The following LRMDA variants were observed in gnomAD, a reference collection of about 807,000 sequenced individuals.
LRMDA encodes the protein leucine-rich melanocyte differentiation-associated protein.
Under a neutral mutation model 29.8 loss-of-function variants are expected in LRMDA, and 18 were observed. The ratio of observed to expected loss-of-function variants is 0.60; its 90% CI spans 0.42 to 0.90. The LOEUF (loss-of-function observed/expected upper bound fraction) is 0.90, where lower values mean the gene tolerates loss of function less well. Ranked by LOEUF, LRMDA falls within the 40% of genes least tolerant of loss-of-function variation. The pLI, the probability that LRMDA is intolerant of heterozygous loss-of-function variation, is 0.00. For synonymous variants in LRMDA, 125 were observed against 109.4 expected (o/e 1.14, Z -0.89); for missense variants, 273 against 273.9 (o/e 1.00, Z 0.02).
chr10:75,848,540 G>A lies in LRMDA; in HGVS notation c.132-187468G>A, dbSNP rs187407713. On this transcript the variant is annotated intron_variant, in intron 2 of 6. Transcript: ENST00000611255. ...GTCCTGGTACTGTGATCCAGCATTGGGCACCCGGGACTAGTCTCTTCTTTT... is the reference window on the plus strand; with the variant it reads ...GTCCTGGTACTGTGATCCAGCATTGAGCACCCGGGACTAGTCTCTTCTTTT... 2.6e-5 allele frequency among the ~76,000 whole-genome samples: 4 copies of A among 152,186 alleles called. No homozygotes were observed. The East Asian group carries it at 7.7e-4, about 29-fold the overall frequency.
intron 6 of LRMDA, among the ~76,000 whole-genome samples, chr10:76,387,425 A>C (rs1048133200): frequency 6.6e-6 from 1 of 151,946 alleles, no homozygotes; most frequent in Non-Finnish European, 1.5e-5. Context: ...ATATGGCAAA[A>C]CCCTGTCTCT....
chr10:75,902,700 G>A (rs115632428), intron 2 of LRMDA, among the ~76,000 whole-genome samples: 2 of 152,108 alleles, frequency 1.3e-5, no homozygotes, highest in Admixed American at 1.3e-4. Context: ...ATAGAGATCT[G>A]TTCAAAGTTC....
chr10:75,640,110 G>A (rs993350361), intron 2 of LRMDA, among the ~76,000 whole-genome samples: 1 of 152,194 alleles, frequency 6.6e-6, no homozygotes, highest in African/African-American at 2.4e-5. Flanking sequence ...TTAATCTTAG[G>A]TATGGTATGT....
rs185783510 is a variant in LRMDA, at chr10:76,025,599, T to C, written c.132-10409T>C. Among the ~76,000 whole-genome samples the C allele has an allele frequency of 3.9e-5, 6 of 152,230 alleles. No homozygotes were observed. The East Asian group carries it at 1.2e-3, about 29-fold the overall frequency. On this transcript the variant is annotated intron_variant, in intron 2 of 6. Transcript: ENST00000611255. ...TGTGCTCACTGAATTCCTGTCATGT[T>C]GGAAATGGATACCACACCACATGCT...
Position 76,111,178 on chromosome 10 carries a change from A to T in LRMDA, c.516+52395A>T, listed in dbSNP as rs910743422. Among the ~76,000 whole-genome samples, 10 of 152,128 alleles carry T rather than the reference A, an allele frequency of 6.6e-5. 1 individual carries two copies. The highest frequency in any genetic ancestry group is 6.5e-4 in the Admixed American group (10 of 15,290). On this transcript the variant is annotated intron_variant, in intron 5 of 6. Coordinates refer to ENST00000611255, the MANE Select transcript of LRMDA (RefSeq NM_001305581.2). Reference sequence around the variant, plus strand: ...AGACCAGACCAGATCCTGCTATTTTATGGATCCTCAAAGCAGCCTGTACCT... The same window carrying T: ...AGACCAGACCAGATCCTGCTATTTTTTGGATCCTCAAAGCAGCCTGTACCT...
chr10:76,374,318 T>C (rs917274948), intron 6 of LRMDA, among the ~76,000 whole-genome samples: 4 of 152,132 alleles, frequency 2.6e-5, no homozygotes, highest in Non-Finnish European at 5.9e-5. Context: ...AGAGTTCAGA[T>C]AGTGAAAATG....
intron 2 of LRMDA, among the ~76,000 whole-genome samples, chr10:75,970,152 C>G (rs1038582884): frequency 1.3e-5 from 2 of 152,154 alleles, no homozygotes; most frequent in African/African-American, 4.8e-5. Flanking sequence ...CTGATCTTCC[C>G]CCTAGTTTCA....
At chr10:76,542,054 C>T (rs1843363121) in intron 6 of LRMDA, among the ~76,000 whole-genome samples, 1 of 150,156 alleles carries the variant, frequency 6.7e-6, no homozygotes, top group Non-Finnish European at 1.5e-5. Context: ...GGTGTGTGCA[C>T]GTGTGTGTGT....
At chr10:76,324,312 A>G (rs1003970193) in intron 5 of LRMDA, 89 bp from the exon 6 acceptor site, 20 of 1,125,338 alleles carry the variant, frequency 1.8e-5, no homozygotes, top group Non-Finnish European at 2.6e-5. Flanking sequence ...CTCCAAGCTC[A>G]GATCCCAAGG....
intron 2 of LRMDA, among the ~76,000 whole-genome samples, chr10:75,926,912 C>T (rs1026183911): frequency 6.6e-6 from 1 of 152,142 alleles, no homozygotes; most frequent in African/African-American, 2.4e-5. Flanking sequence ...TACAGTAAGG[C>T]GCACACTTGT....
At chr10:75,785,811 G>A (rs186099307) in intron 2 of LRMDA, among the ~76,000 whole-genome samples, 1 of 152,316 alleles carries the variant, frequency 6.6e-6, no homozygotes, top group Admixed American at 6.5e-5. Context: ...GCTGCTTTCT[G>A]TGTTAAATAC....
intron 5 of LRMDA, among the ~76,000 whole-genome samples, chr10:76,243,307 AT>A (rs1564697941): frequency 6.6e-6 from 1 of 152,224 alleles, no homozygotes; most frequent in Non-Finnish European, 1.5e-5. Flanking sequence ...CCCTGTACTC[AT>A]GGGTCTGGTA....
At chr10:75,755,687 G>A (rs527951447) in intron 2 of LRMDA, among the ~76,000 whole-genome samples, 12 of 152,228 alleles carry the variant, frequency 7.9e-5, no homozygotes, top group Non-Finnish European at 1.6e-4. Flanking sequence ...GGCCAAGAAA[G>A]CAAGCAATGC....
chr10:76,272,551 T>C (rs1449258898), intron 5 of LRMDA, among the ~76,000 whole-genome samples: 1 of 152,186 alleles, frequency 6.6e-6, no homozygotes, highest in African/African-American at 2.4e-5. Context: ...ATGAGGGCTT[T>C]GAGATTCTAG....
chr10:76,100,980 T>G (rs1291209347), intron 5 of LRMDA, among the ~76,000 whole-genome samples: 1 of 152,172 alleles, frequency 6.6e-6, no homozygotes, highest in Non-Finnish European at 1.5e-5. Flanking sequence ...CTATTGAAAA[T>G]TTTAGCTGAA....
intron 2 of LRMDA, among the ~76,000 whole-genome samples, chr10:75,905,024 A>G (rs1454724268): frequency 6.6e-6 from 1 of 152,326 alleles, no homozygotes; most frequent in East Asian, 1.9e-4. Context: ...TGCACACTCT[A>G]TCTGCAGCGT....
chr10:76,493,395 G>A (rs538805363), intron 6 of LRMDA, among the ~76,000 whole-genome samples: 1 of 152,010 alleles, frequency 6.6e-6, no homozygotes, highest in South Asian at 2.1e-4. Flanking sequence ...CATTCTTCAG[G>A]GCAATGGGTT....
rs1845185872 is a variant in LRMDA, at chr10:75,507,822, C to T, written c.131+69328C>T. 2.0e-5 allele frequency among the ~76,000 whole-genome samples: 3 copies of T among 152,118 alleles called. No individual in the cohort carries two copies. The South Asian group carries it at 6.2e-4, about 32-fold the overall frequency. ...TTTATATATATTTTAGAAATGCCACCATTTGTCCTTAGGCACAGAAGGTTC... is the reference window on the plus strand; with the variant it reads ...TTTATATATATTTTAGAAATGCCACTATTTGTCCTTAGGCACAGAAGGTTC... On this transcript the variant is annotated intron_variant, in intron 2 of 6. Transcript: ENST00000611255.
At chr10:75,856,063 C>A (rs2132316311) in intron 2 of LRMDA, among the ~76,000 whole-genome samples, 1 of 152,250 alleles carries the variant, frequency 6.6e-6, no homozygotes, top group South Asian at 2.1e-4. Context: ...TTTTTGGTTC[C>A]ATATGAACTT....
Sources: gnomAD v4.1 joint callset for allele counts (sites outside exome capture counted in the v4.1 genomes callset) on GRCh38, gnomAD v4.1.1 for gene constraint, MANE v1.5 for transcripts, NCBI Gene and HGNC (gene_info 2026-07-23, HGNC 2026-07-21) for gene names.